Variants in ARHGAP22 observed in about 807,000 individuals in gnomAD.
ARHGAP22 encodes rho GTPase-activating protein 22.
Under a neutral mutation model 59.1 loss-of-function variants are expected in ARHGAP22, and 48 were observed. The observed-to-expected ratio is 0.81, with a 90% confidence interval of 0.64 to 1.03. The LOEUF (loss-of-function observed/expected upper bound fraction) is 1.03, where lower values mean the gene tolerates loss of function less well. Ranked by LOEUF, ARHGAP22 falls within the 50% of genes least tolerant of loss-of-function variation. The pLI, the probability that ARHGAP22 is intolerant of heterozygous loss-of-function variation, is 0.00. For synonymous variants in ARHGAP22, 445 were observed against 416.4 expected (o/e 1.07, Z -0.84); for missense variants, 1,015 against 958.7 (o/e 1.06, Z -0.78).
At chr10:48,493,735 C>G in intron 3 of ARHGAP22, 1 of 1,156,992 alleles carries the variant, frequency 8.6e-7, no homozygotes. Flanking sequence ...CTGGGATCCC[C>G]GCCAGTGGGA....
chr10:48,629,544 T>G (rs1301528742), intron 1 of ARHGAP22, among the ~76,000 whole-genome samples: 1 of 152,254 alleles, frequency 6.6e-6, no homozygotes, highest in Non-Finnish European at 1.5e-5. Flanking sequence ...GGTCTATTTC[T>G]ATTTCTCTAT....
chr10:48,551,674 T>C (rs2056903982), intron 3 of ARHGAP22, among the ~76,000 whole-genome samples: 1 of 152,238 alleles, frequency 6.6e-6, no homozygotes, highest in Non-Finnish European at 1.5e-5. Context: ...GGGAAAGCAG[T>C]GGCAGGCCAC....
chr10:48,526,778 C>A (rs1239796833), intron 3 of ARHGAP22, among the ~76,000 whole-genome samples: 2 of 152,214 alleles, frequency 1.3e-5, no homozygotes, highest in African/African-American at 4.8e-5. Context: ...AAAGGGTCAA[C>A]GTCCCCATTG....
intron 9 of ARHGAP22, among the ~76,000 whole-genome samples, chr10:48,449,903 T>C (rs2045726803): frequency 6.6e-6 from 1 of 152,220 alleles, no homozygotes; most frequent in African/African-American, 2.4e-5. Flanking sequence ...GCCCTTGTAC[T>C]GGGACAAGCC....
chr10:48,595,803 A>T (rs1240640326), intron 1 of ARHGAP22, among the ~76,000 whole-genome samples: 1 of 151,938 alleles, frequency 6.6e-6, no homozygotes, highest in African/African-American at 2.4e-5. Context: ...GAGCTACTAC[A>T]CCCAGCTTAA....
intron 3 of ARHGAP22, among the ~76,000 whole-genome samples, chr10:48,543,307 G>A (rs570324797): frequency 1.3e-4 from 20 of 152,246 alleles, no homozygotes; most frequent in African/African-American, 4.6e-4. Context: ...CTGCCTTGGG[G>A]ACAGCCCTCC....
intron 2 of ARHGAP22, 25 bp from the exon 3 acceptor site, chr10:48,555,575 C>A: frequency 6.2e-7 from 1 of 1,606,724 alleles, no homozygotes; most frequent in Non-Finnish European, 8.5e-7. Flanking sequence ...AACACAAACA[C>A]AGGGAGCATG....
intron 1 of ARHGAP22, among the ~76,000 whole-genome samples, chr10:48,649,633 T>C (rs1332171273): frequency 1.3e-5 from 2 of 152,154 alleles, no homozygotes; most frequent in Non-Finnish European, 2.9e-5. Flanking sequence ...ACCAGTGGTC[T>C]GAAGTTTGGG....
intron 1 of ARHGAP22, among the ~76,000 whole-genome samples, chr10:48,611,743 G>A (rs1279097538): frequency 6.6e-6 from 1 of 151,338 alleles, no homozygotes; most frequent in Non-Finnish European, 1.5e-5. Context: ...ACTGTTCTGA[G>A]CAGATGCCAC....
intron 1 of ARHGAP22, among the ~76,000 whole-genome samples, chr10:48,648,230 A>T (rs1022050288): frequency 2.0e-5 from 3 of 152,218 alleles, no homozygotes; most frequent in Admixed American, 6.5e-5. Context: ...ATAGAATATG[A>T]TAATAACCAA....
chr10:48,572,354 C>T (rs967654095), intron 2 of ARHGAP22, among the ~76,000 whole-genome samples: 2 of 152,174 alleles, frequency 1.3e-5, no homozygotes, highest in South Asian at 2.1e-4. Context: ...ACCCCCAACC[C>T]CTGGTCCACA....
intron 1 of ARHGAP22, among the ~76,000 whole-genome samples, chr10:48,602,530 A>T (rs190371967): frequency 6.6e-6 from 1 of 152,350 alleles, no homozygotes; most frequent in East Asian, 1.9e-4. Context: ...CATATGAGTC[A>T]GTGAAAGATG....
At chr10:48,464,676 C>T (rs887953265) in intron 4 of ARHGAP22, among the ~76,000 whole-genome samples, 2 of 152,220 alleles carry the variant, frequency 1.3e-5, no homozygotes, top group East Asian at 3.8e-4. Context: ...GACAAAGATT[C>T]TGGGTCTGCA....
intron 3 of ARHGAP22, among the ~76,000 whole-genome samples, chr10:48,542,355 C>A (rs1166601656): frequency 6.6e-6 from 1 of 152,230 alleles, no homozygotes; most frequent in African/African-American, 2.4e-5. Context: ...AAGGGCTCTG[C>A]ATTTAGAATT....
At chr10:48,637,206 A>T (rs2061854441) in intron 1 of ARHGAP22, among the ~76,000 whole-genome samples, 1 of 152,148 alleles carries the variant, frequency 6.6e-6, no homozygotes, top group Admixed American at 6.5e-5. Flanking sequence ...ACAGGCTCCA[A>T]CTATTGTGTC....
rs1344518545 is a variant in ARHGAP22, at chr10:48,583,053, T to C, written c.134A>G (p.Lys45Arg). The C allele has an allele frequency of 6.2e-7, 1 of 1,614,288 alleles. No individual in the cohort carries two copies. The highest frequency in any genetic ancestry group is 8.5e-7 in the Non-Finnish European group (1 of 1,180,050). ...LGPVLKAGWL[K>R]KQRSIMKNWQ... ...GTTCTTCATGATGCTCCTCTGCTTC[T>C]TCAGCCAGCCCGCCTTCAGCACGGG... Residue 45 changes from lysine (K) to arginine (R), a missense_variant, in exon 2 of 10, where the codon AAG (lysine) becomes AGG (arginine). By Grantham distance (26) the Lys-to-Arg change is conservative (BLOSUM62 2). Transcript: ENST00000249601.
At chr10:48,490,593 G>A (rs56177940) in intron 3 of ARHGAP22, among the ~76,000 whole-genome samples, 4,193 of 152,278 alleles carry the variant, frequency 0.028, 143 homozygotes, top group African/African-American at 0.078. Flanking sequence ...TCTAAGTGCC[G>A]CTTCTATCAA....
chr10:48,652,398 T>G, exon 1 of ARHGAP22: 1 of 860,796 alleles, frequency 1.2e-6, no homozygotes, highest in Non-Finnish European at 1.8e-6. Context: ...GATCCACATC[T>G]ATAGAAAAGA....
intron 4 of ARHGAP22, among the ~76,000 whole-genome samples, chr10:48,464,997 G>C (rs2047509130): frequency 6.6e-6 from 1 of 152,140 alleles, no homozygotes; most frequent in Non-Finnish European, 1.5e-5. Context: ...GAGGCACCCT[G>C]TGCTGGGGCT....
Sources: allele counts gnomAD v4.1 joint callset (sites outside exome capture counted in the v4.1 genomes callset), GRCh38; gene constraint gnomAD v4.1.1; transcripts MANE v1.5; gene names NCBI Gene and HGNC (gene_info 2026-07-23, HGNC 2026-07-21).